The following SMG1 variants were observed in gnomAD, a reference collection of about 807,000 sequenced individuals.
The protein encoded by SMG1 is SMG1 nonsense mediated mRNA decay associated PI3K related kinase, also known as serine/threonine-protein kinase SMG1.
Under a neutral mutation model 419.9 loss-of-function variants are expected in SMG1, and 22 were observed. The observed-to-expected ratio is 0.05, with a 90% CI of 0.04 to 0.07. The LOEUF is 0.07. Among genes scored for constraint, SMG1 ranks in the 10% least tolerant of loss-of-function variants. The pLI, the probability that SMG1 is intolerant of heterozygous loss-of-function variation, is 1.00. For synonymous variants in SMG1, 1,538 were observed against 1,553.5 expected (o/e 0.99, Z 0.23); for missense variants, 3,185 against 4,342.0 (o/e 0.73, Z 7.49).
chr16:18,879,400 C>A (rs1053962490), intron 11 of SMG1, 95 bp downstream of exon 11: 11 of 1,240,508 alleles, frequency 8.9e-6, no homozygotes, highest in African/African-American at 3.0e-5. Flanking sequence ...CAAGCATGAG[C>A]CACCATGCCC....
chr16:18,845,467 G>A lies in SMG1; in HGVS notation c.6181C>T (p.Pro2061Ser), dbSNP rs376740385. ...ATCCAGCTGCTCCCAGGCTTTGCAG[G>A]GTTCAATGGAGTCTTCAGTTTTTCT... is the stretch of plus-strand genomic sequence containing the variant. ...ALEKLKTPLN[P>S]AKPGSSWIPF... is the part of the protein sequence containing the mutation. The change falls in exon 39 of 63, where the codon CCT becomes TCT. Residue 2061 changes from proline (P) to serine (S), a missense_variant. Transcript: ENST00000446231. 1.5e-5 allele frequency: 24 copies of A among 1,613,750 alleles called. No homozygotes were observed. The highest frequency in any genetic ancestry group is 1.9e-5 in the Non-Finnish European group (23 of 1,179,876).
intron 1 of SMG1, among the ~76,000 whole-genome samples, chr16:18,902,476 G>A (rs1014992122): frequency 6.6e-6 from 1 of 152,132 alleles, no homozygotes; most frequent in African/African-American, 2.4e-5. Flanking sequence ...GCCCAGGCAG[G>A]CAGATCACTT....
intron 20 of SMG1, 129 bp from the exon 21 acceptor site, chr16:18,868,848 C>T (rs1596555228): frequency 3.1e-6 from 2 of 638,200 alleles, no homozygotes; most frequent in East Asian, 5.5e-5. Context: ...AATAAAAAAT[C>T]CCAACATGAA....
chr16:18,854,939 T>C, intron 29 of SMG1, 35 bp from the exon 30 acceptor site: 8 of 1,596,852 alleles, frequency 5.0e-6, no homozygotes, highest in South Asian at 2.3e-5. Context: ...AGTTCCTAAT[T>C]TGTCTAAACC....
At chr16:18,911,029 C>G (rs11648990) in intron 1 of SMG1, among the ~76,000 whole-genome samples, 46,862 of 152,022 alleles carry the variant, frequency 0.31, 7,970 homozygotes, top group Non-Finnish European at 0.38. Context: ...TACTTGCCCT[C>G]CAATCTATGC....
rs1304086685 is a variant in SMG1 at position 18,868,571 on chromosome 16, C to A, written c.2982G>T (p.Met994Ile). Residue 994 changes from methionine to isoleucine, a missense_variant, in exon 21 of 63, where the codon ATG becomes ATT. Transcript: ENST00000446231. ...LQYLENLEKL[M>I]YNAYEGCANA... Reference sequence around the variant, plus strand: ...TAGCACATCCCTCGTATGCATTATACATTAATTTCTCCAGATTTTCCAGAT... The same window carrying A: ...TAGCACATCCCTCGTATGCATTATAAATTAATTTCTCCAGATTTTCCAGAT... The A allele has an allele frequency of 1.9e-6, 3 of 1,596,252 alleles. No individual in the cohort carries two copies. Among genetic ancestry groups the A allele is most frequent in the Admixed American group, 3.3e-5 (2 of 59,992 alleles).
intron 54 of SMG1, 121 bp from the exon 55 acceptor site, chr16:18,828,289 G>A (rs1278321790): frequency 1.1e-6 from 1 of 876,084 alleles, no homozygotes; most frequent in African/African-American, 1.7e-5. Flanking sequence ...CAGCCAATGG[G>A]AGGTAAGCAG....
At chr16:18,836,262 T>A in intron 47 of SMG1, 50 bp from the exon 48 acceptor site, 10 of 1,594,620 alleles carry the variant, frequency 6.3e-6, no homozygotes, top group Non-Finnish European at 8.6e-6. Context: ...TCAAGTCAGC[T>A]GTCACTAAAA....
chr16:18,916,096 A>AG (rs1384473452), intron 1 of SMG1, among the ~76,000 whole-genome samples: 2 of 147,612 alleles, frequency 1.4e-5, no homozygotes, highest in South Asian at 2.1e-4. Flanking sequence ...AAAACCAGAA[A>AG]AAAAAAAAAA....
chr16:18,919,633 A>AT (rs1567466538), intron 1 of SMG1, among the ~76,000 whole-genome samples: 4 of 96,220 alleles, frequency 4.2e-5, no homozygotes, highest in East Asian at 2.4e-4. Context: ...CAAAAAAAAA[A>AT]ATGTGTGTGT....
chr16:18,863,889 G>C (rs761529241), intron 24 of SMG1, 38 bp from the exon 25 acceptor site: 2 of 1,591,268 alleles, frequency 1.3e-6, no homozygotes, highest in South Asian at 2.2e-5. Flanking sequence ...GAGAGATTCA[G>C]ATCAGTTAGA....
chr16:18,917,151 ATTTATTT>A (rs2038014495), intron 1 of SMG1, among the ~76,000 whole-genome samples: 2 of 150,528 alleles, frequency 1.3e-5, no homozygotes, highest in Non-Finnish European at 2.9e-5. Context: ...TAATTAATTT[ATTTATTT>A]ATTTATTTTT....
intron 1 of SMG1, among the ~76,000 whole-genome samples, chr16:18,902,482 C>T (rs1212432131): frequency 6.6e-6 from 1 of 152,086 alleles, no homozygotes; most frequent in African/African-American, 2.4e-5. Context: ...GCAGGCAGAT[C>T]ACTTGAGCTC....
Position 18,829,775 on chromosome 16 carries a change from C to A in SMG1, c.9134-20G>T. The A allele has an allele frequency of 1.3e-6, 2 of 1,574,178 alleles. No homozygotes were observed. Among genetic ancestry groups the A allele is most frequent in the Non-Finnish European group, 1.7e-6 (2 of 1,159,434 alleles). On this transcript the variant is annotated intron_variant, in intron 53 of 62. Coordinates refer to ENST00000446231, the MANE Select transcript of SMG1 (RefSeq NM_015092.5). Reference sequence around the variant, plus strand: ...TTGATCCTACAAAAAGGAAAAATTTCTTGTATTTCATGAAAAAAATCAGGT... The same window carrying A: ...TTGATCCTACAAAAAGGAAAAATTTATTGTATTTCATGAAAAAAATCAGGT...
chr16:18,904,308 CAA>C (rs1443396852), intron 1 of SMG1, among the ~76,000 whole-genome samples: 1 of 149,866 alleles, frequency 6.7e-6, no homozygotes, highest in African/African-American at 2.4e-5. Flanking sequence ...TGAGCACTCT[CAA>C]AAGTCTTACT....
intron 42 of SMG1, 30 bp downstream of exon 42, chr16:18,839,668 A>G (rs1567346292): frequency 1.2e-6 from 2 of 1,612,794 alleles, no homozygotes; most frequent in African/African-American, 2.7e-5. Context: ...AAATACTACT[A>G]CTGAGTATAG....
In SMG1 at chr16:18,900,954, T is replaced by C. The variant is rs147962381; in HGVS notation, c.93-3998A>G. On this transcript the variant is annotated intron_variant, in intron 1 of 62. Coordinates refer to ENST00000446231, the MANE Select transcript of SMG1 (RefSeq NM_015092.5). ...AAACTATGAATAACCCTGGGCCTTG[T>C]ATCATTACATTAAAAACACTGCTCT... Among the ~76,000 whole-genome samples the C allele has an allele frequency of 1.9e-3, 290 of 152,324 alleles. 1 individual carries two copies. Among genetic ancestry groups the C allele is most frequent in the African/African-American group, 6.7e-3 (280 of 41,576 alleles).
At chr16:18,882,431 G>C (rs2036440085) in intron 9 of SMG1, 93 bp from the exon 10 acceptor site, 6 of 698,034 alleles carry the variant, frequency 8.6e-6, no homozygotes, top group Admixed American at 3.8e-5. Context: ...ATTCATTTTA[G>C]AATAGATTTT....
chr16:18,858,163 C>T lies in SMG1; in HGVS notation c.4234+7G>A. On this transcript the variant is annotated splice_region_variant and intron_variant, in intron 29 of 62. Coordinates refer to ENST00000446231, the MANE Select transcript of SMG1 (RefSeq NM_015092.5). Reference sequence around the variant, plus strand: ...ATTTTCTCTTACAAGAAAAAAAAACCACTTACCTTTAATTTTCTCCAACAA... The same window carrying T: ...ATTTTCTCTTACAAGAAAAAAAAACTACTTACCTTTAATTTTCTCCAACAA... 6.5e-7 allele frequency: 1 copy of T among 1,531,702 alleles called. No homozygotes were observed. Among genetic ancestry groups the T allele is most frequent in the Non-Finnish European group, 8.8e-7 (1 of 1,141,484 alleles). 94.9% of individuals were successfully genotyped at this position (1,531,702 alleles called of 1,614,324 possible).
Sources: allele counts gnomAD v4.1 joint callset (sites outside exome capture counted in the v4.1 genomes callset), GRCh38; gene constraint gnomAD v4.1.1; transcripts MANE v1.5; gene names NCBI Gene and HGNC (gene_info 2026-07-23, HGNC 2026-07-21).